Variants in GGT1 observed in about 807,000 individuals in gnomAD.
The protein encoded by GGT1 is glutathione hydrolase 1 proenzyme.
In GGT1, 21 loss-of-function variants were observed where a neutral mutation model predicts 56.0. That is an observed-to-expected ratio of 0.38 (90% CI 0.27 to 0.54). The LOEUF is 0.54. GGT1 is among the 20% of genes least tolerant of loss of function. GGT1 has a pLI of 0.82. For synonymous variants in GGT1, 238 were observed against 342.6 expected, an observed-to-expected ratio of 0.69 and a Z score of 3.37; for missense variants, 466 against 787.0, an observed-to-expected ratio of 0.59 and a Z score of 4.88.
chr22:24,594,696 A>C (rs1485918784), upstream of GGT1: 1 of 152,336 alleles, frequency 6.6e-6, no homozygotes, highest in African/African-American at 2.4e-5. Flanking sequence ...TGCAGCCAGC[A>C]TTGTCCTGGG....
chr22:24,587,415 G>C, the GGT1 span, among the ~76,000 whole-genome samples: 3 of 152,328 alleles, frequency 2.0e-5, no homozygotes, highest in Non-Finnish European at 1.5e-5. Flanking sequence ...GCCTTTTGGG[G>C]GACTGACAGC....
chr22:24,605,023 C>CGT (rs2045946836), intron 1 of GGT1, among the ~76,000 whole-genome samples: 1 of 65,000 alleles, frequency 1.5e-5, no homozygotes. Flanking sequence ...TCCTGTATGT[C>CGT]ATATATATAT....
upstream of GGT1, chr22:24,598,234 T>TG (rs2045726319): frequency 6.6e-6 from 1 of 152,068 alleles, no homozygotes; most frequent in Non-Finnish European, 1.5e-5. Context: ...GGTCAGGAGT[T>TG]GGAGACCAGC....
intron 1 of GGT1, among the ~76,000 whole-genome samples, chr22:24,604,191 G>T (rs1309673839): frequency 6.6e-6 from 1 of 151,904 alleles, no homozygotes; most frequent in East Asian, 1.9e-4. Context: ...GGGGCTGGCA[G>T]GGTAAGGGGT....
At chr22:24,589,100 G>A in the GGT1 span, 3 of 1,096,970 alleles carry the variant, frequency 2.7e-6, no homozygotes, top group Non-Finnish European at 3.4e-6. Flanking sequence ...AGAGACCTGG[G>A]CATTCAGAGC....
intron 7 of GGT1, among the ~76,000 whole-genome samples, chr22:24,619,558 G>C (rs1349659868): frequency 6.8e-6 from 1 of 148,062 alleles, no homozygotes; most frequent in African/African-American, 2.5e-5. Flanking sequence ...AACAGAATGA[G>C]ACCCTGTCTC....
At chr22:24,588,146 G>T in the GGT1 span, 2 of 1,212,858 alleles carry the variant, frequency 1.6e-6, no homozygotes, top group Non-Finnish European at 2.4e-6. Context: ...TGGTGAGAGT[G>T]CAGGTGTCAA....
intron 2 of GGT1, among the ~76,000 whole-genome samples, chr22:24,608,361 G>A (rs2046450648): frequency 6.6e-6 from 1 of 152,210 alleles, no homozygotes; most frequent in Non-Finnish European, 1.5e-5. Flanking sequence ...TCTGAGCCTG[G>A]CTGGGTGTCC....
At chr22:24,593,545 TG>T (rs1199922850), upstream of GGT1, among the ~76,000 whole-genome samples, 1 of 151,934 alleles carries the variant, frequency 6.6e-6, no homozygotes, top group Non-Finnish European at 1.5e-5. Context: ...CCCAGCACTT[TG>T]GGGGGCCGAG....
chr22:24,592,696 T>G, upstream of GGT1: 2 of 1,225,228 alleles, frequency 1.6e-6, 1 homozygote, highest in Non-Finnish European at 2.1e-6. Context: ...CCCCGCGTGC[T>G]GCAGCCTGTC....
Position 24,615,276 on chromosome 22 carries a change from A to G in GGT1, c.382+149A>G, listed in dbSNP as rs370336452. The G allele has an allele frequency of 7.6e-3, 4,748 of 628,032 alleles. 36 individuals carry two copies. The highest frequency in any genetic ancestry group is 0.022 in the South Asian group (1,119 of 51,296). The allele number at this position is 628,032 out of a possible 1,614,324, so 38.9% of individuals were successfully genotyped here. ...CCTGTCCCCATAGCACCCTCCCACA[A>G]TGAGTGGTCAGGACCATCATCACCA... On this transcript the variant is annotated intron_variant, in intron 7 of 15. Transcript: ENST00000400382.
At chr22:24,612,014 C>A (rs569140406) in intron 5 of GGT1, among the ~76,000 whole-genome samples, 1 of 152,160 alleles carries the variant, frequency 6.6e-6, no homozygotes, top group South Asian at 2.1e-4. Flanking sequence ...GCTATGTTGG[C>A]CAGGCTGGTC....
At chr22:24,624,533 C>G (rs1174452893) in intron 11 of GGT1, 1 of 966,704 alleles carries the variant, frequency 1.0e-6, no homozygotes, top group Non-Finnish European at 1.2e-6. Context: ...GTGGTGTCTT[C>G]TCTTTCCCCG....
upstream of GGT1, chr22:24,592,680 G>C (rs2045606668): frequency 1.8e-6 from 2 of 1,133,216 alleles, no homozygotes; most frequent in Non-Finnish European, 2.3e-6. Flanking sequence ...TCTCGCCCAC[G>C]CAAGACCCCG....
At chr22:24,619,406 A>G (rs77935969) in intron 7 of GGT1, among the ~76,000 whole-genome samples, 45,329 of 141,878 alleles carry the variant, frequency 0.32, 6,338 homozygotes, top group Middle Eastern at 0.47. Context: ...CTCAGAAAAA[A>G]AAAAAAAAAA....
upstream of GGT1, among the ~76,000 whole-genome samples, chr22:24,591,970 C>T (rs1177188737): frequency 2.0e-5 from 3 of 152,216 alleles, no homozygotes; most frequent in Admixed American, 2.0e-4. Context: ...CCCTGGCTTG[C>T]CCCACATTTT....
chr22:24,586,010 G>C, the GGT1 span: 23 of 1,611,020 alleles, frequency 1.4e-5, no homozygotes, highest in Admixed American at 3.8e-4. Context: ...CTCGTAGATG[G>C]TGGGGAGTGA....
In GGT1 at chr22:24,627,466, C is replaced by T. The variant is rs755197274; in HGVS notation, c.1055C>T (p.Ala352Val). Residue 352 changes from alanine to valine, a missense_variant, in exon 12 of 16, where the codon GCC becomes GTC. Around this residue, in one of 2 missense-constraint regions of GGT1, gnomAD observed 456 missense variants for 716.7 expected, o/e 0.64. Coordinates refer to ENST00000400382, the MANE Select transcript of GGT1 (RefSeq NM_001288833.2). ...VRNMTSEFFA[A>V]QLRAQISDDT... ...AACATGACCTCCGAGTTCTTCGCTG[C>T]CCAGCTCCGGGCCCAGATCTCTGAC... 6.9e-6 allele frequency: 11 copies of T among 1,601,844 alleles called. No individual in the cohort carries two copies. The highest frequency in any genetic ancestry group is 9.4e-6 in the Non-Finnish European group (11 of 1,174,164).
chr22:24,626,348 G>C (rs1205940067), intron 11 of GGT1, among the ~76,000 whole-genome samples: 1 of 35,396 alleles, frequency 2.8e-5, no homozygotes, highest in Non-Finnish European at 8.7e-5. Flanking sequence ...TTCGGCCTTC[G>C]GGTCCATCCT....
Sources: gnomAD v4.1 joint callset for allele counts (sites outside exome capture counted in the v4.1 genomes callset) on GRCh38, gnomAD v4.1.1 for gene constraint, gnomAD v4.1.1 regional missense constraint, MANE v1.5 for transcripts, NCBI Gene and HGNC (gene_info 2026-07-23, HGNC 2026-07-21) for gene names.